The following AIM2 variants were observed in gnomAD, a reference collection of about 807,000 sequenced individuals.
AIM2 encodes the protein absent in melanoma 2, also known as interferon-inducible protein AIM2.
AIM2 carries 30 observed loss-of-function variants against 27.7 expected under a neutral mutation model. The observed-to-expected ratio is 1.08, with a 90% CI of 0.81 to 1.47. The LOEUF (loss-of-function observed/expected upper bound fraction) is 1.47. AIM2 is among the 40% of genes most tolerant of loss of function. The pLI is 0.00. For missense variants in AIM2, 358 were observed against 411.3 expected, an observed-to-expected ratio of 0.87 and a Z score of 1.12; for synonymous variants, 141 against 145.3, an observed-to-expected ratio of 0.97 and a Z score of 0.21.
chr1:159,066,065 C>T lies in AIM2; in HGVS notation c.661G>A (p.Val221Ile). 6.2e-7 allele frequency: 1 copy of T among 1,614,158 alleles called. No homozygotes were observed. The highest frequency in any genetic ancestry group is 8.5e-7 in the Non-Finnish European group (1 of 1,180,030). The change falls in exon 4 of 6, where the codon GTA becomes ATA. Residue 221 changes from valine (V) to isoleucine (I), a missense_variant. Coordinates refer to ENST00000368130, the MANE Select transcript of AIM2 (RefSeq NM_004833.3). ...RYYRHSGFLE[V>I]NSASRVLDAE... is the part of the protein sequence containing the mutation. The stretch of plus-strand genomic sequence containing the variant: ...TCTAACACACGTGAGGCGCTATTTA[C>T]CTCTAAGAAACCACTGTGCCGATAA...
At chr1:159,080,375 T>C (rs372438712), upstream of AIM2, among the ~76,000 whole-genome samples, 1 of 152,234 alleles carries the variant, frequency 6.6e-6, no homozygotes, top group Non-Finnish European at 1.5e-5. Context: ...TCTATGACTC[T>C]GAAGACTTTC....
In AIM2 at chr1:159,083,623, C is replaced by G. The variant is rs139277762; in HGVS notation, c.-15-17294G>C. 1.4e-4 allele frequency among the ~76,000 whole-genome samples: 22 copies of G among 152,262 alleles called. No homozygotes were observed. In the East Asian group the frequency reaches 4.1e-3, roughly 28 times the overall value. The stretch of plus-strand genomic sequence containing the variant: ...CATTTAGCTCTACTAAATTTTAGCT[C>G]TACTAAATACTCACCCAAGTATCTT... On this transcript the variant is annotated intron_variant, in intron 1 of 2. Transcript: ENST00000368129.
At chr1:159,114,394 G>C (rs1421044919) in intron 1 of AIM2, among the ~76,000 whole-genome samples, 1 of 152,166 alleles carries the variant, frequency 6.6e-6, no homozygotes, top group Non-Finnish European at 1.5e-5. Context: ...GACCAGTCCT[G>C]CTTGGAAAAC....
chr1:159,100,071 C>T (rs1397424759), intron 1 of AIM2, among the ~76,000 whole-genome samples: 1 of 152,190 alleles, frequency 6.6e-6, no homozygotes, highest in Non-Finnish European at 1.5e-5. Flanking sequence ...GCAGATAAAA[C>T]CTGGCAAAAT....
intron 3 of AIM2, among the ~76,000 whole-genome samples, chr1:159,068,323 T>C (rs995910846): frequency 8.5e-5 from 13 of 152,250 alleles, no homozygotes; most frequent in African/African-American, 1.4e-4. Flanking sequence ...TTTCTTCTTA[T>C]AGAATCCAAA....
intron 4 of AIM2, among the ~76,000 whole-genome samples, chr1:159,064,521 A>G (rs1167109296): frequency 2.6e-5 from 4 of 152,204 alleles, no homozygotes; most frequent in African/African-American, 4.8e-5. Flanking sequence ...CTGGAGTGCG[A>G]TGGCGCAATC....
intron 1 of AIM2, among the ~76,000 whole-genome samples, chr1:159,094,969 A>G (rs982134948): frequency 6.6e-6 from 1 of 152,154 alleles, no homozygotes; most frequent in Non-Finnish European, 1.5e-5. Flanking sequence ...TATTAAGCCC[A>G]TTTCTTTTTG....
At chr1:159,132,081 C>T (rs976350583) in intron 1 of AIM2, among the ~76,000 whole-genome samples, 1 of 151,716 alleles carries the variant, frequency 6.6e-6, no homozygotes, top group Non-Finnish European at 1.5e-5. Context: ...GGCGTGGTGG[C>T]TCACGCCTGT....
At chr1:159,128,949 A>G (rs547058127) in intron 1 of AIM2, among the ~76,000 whole-genome samples, 5 of 152,282 alleles carry the variant, frequency 3.3e-5, no homozygotes, top group Admixed American at 6.5e-5. Flanking sequence ...AACTCATCCA[A>G]TCTCCTAACT....
chr1:159,126,648 CAA>C lies in AIM2; in HGVS notation c.-16+13781_-16+13782del, dbSNP rs35354479. Among the ~76,000 whole-genome samples the C allele has an allele frequency of 3.3e-4, 37 of 113,668 alleles. No individual in the cohort carries two copies. The South Asian group carries it at 7.7e-3, about 24-fold the overall frequency. 74.6% of individuals were successfully genotyped at this position (113,668 alleles called of 152,430 possible). On this transcript the variant is annotated intron_variant, in intron 1 of 2. Coordinates refer to the AIM2 transcript ENST00000368129. ...TGGGTGACAGAGCGAGACTACGTCT[CAA>C]AAAAAAAAAAAAAAAAATTGATAGA... is the stretch of plus-strand genomic sequence containing the variant.
At chr1:159,145,372 T>A (rs1648183339), upstream of AIM2, among the ~76,000 whole-genome samples, 1 of 152,216 alleles carries the variant, frequency 6.6e-6, no homozygotes, top group Non-Finnish European at 1.5e-5. Flanking sequence ...AGCATTTATG[T>A]TCCCAAGTCT....
intron 4 of AIM2, among the ~76,000 whole-genome samples, chr1:159,064,797 G>A (rs1656007966): frequency 6.6e-6 from 1 of 152,170 alleles, no homozygotes; most frequent in African/African-American, 2.4e-5. Context: ...GTCCAGGAGA[G>A]ACATGAGGTA....
chr1:159,099,702 A>G (rs1657271529), intron 1 of AIM2, among the ~76,000 whole-genome samples: 1 of 152,188 alleles, frequency 6.6e-6, no homozygotes, highest in African/African-American at 2.4e-5. Context: ...AGAATGCCCT[A>G]CAGCTCTAGG....
chr1:159,085,334 T>C (rs2518561), intron 1 of AIM2, among the ~76,000 whole-genome samples: 130,094 of 152,182 alleles, frequency 0.85, 57,196 homozygotes, highest in East Asian at 1. Context: ...TCTGGGAAGG[T>C]ACAAATGTGA....
chr1:159,069,220 G>T (rs1415380682), intron 2 of AIM2, among the ~76,000 whole-genome samples: 3 of 151,748 alleles, frequency 2.0e-5, no homozygotes, highest in African/African-American at 7.3e-5. Flanking sequence ...TTGGAAAATG[G>T]TTTGGGACGC....
chr1:159,073,252 T>C lies in AIM2; in HGVS notation c.248A>G (p.Glu83Gly). 6.2e-7 allele frequency: 1 copy of C among 1,614,138 alleles called. No individual in the cohort carries two copies. The highest frequency in any genetic ancestry group is 8.5e-7 in the Non-Finnish European group (1 of 1,180,006). The change falls in exon 2 of 6, where the codon GAG (glutamate) becomes GGG (glycine). Residue 83 changes from glutamate to glycine, a missense_variant. Coordinates refer to ENST00000368130, the MANE Select transcript of AIM2 (RefSeq NM_004833.3). ...NYMLLAKRLQ[E>G]EKEKVDKQYK... ...TCCCACATTACCTTTCTCCTTCTCC[T>C]CCTGAAGACGTTTTGCCAAAAGCAT...
intron 1 of AIM2, among the ~76,000 whole-genome samples, chr1:159,138,237 T>C (rs1648048016): frequency 6.6e-6 from 1 of 152,122 alleles, no homozygotes; most frequent in African/African-American, 2.4e-5. Context: ...TAATCCCAAC[T>C]CTTCCCATCA....
chr1:159,064,934 T>A (rs1361907168), intron 4 of AIM2, among the ~76,000 whole-genome samples: 1 of 152,226 alleles, frequency 6.6e-6, no homozygotes, highest in African/African-American at 2.4e-5. Flanking sequence ...ATTTTAGGTT[T>A]AATTTTATGG....
At chr1:159,081,616 C>T, upstream of AIM2, 2 of 393,184 alleles carry the variant, frequency 5.1e-6, no homozygotes, top group East Asian at 1.5e-4. Context: ...AAAATAGCAT[C>T]CAAGGGTCAC....
Sources: allele counts gnomAD v4.1 joint callset (sites outside exome capture counted in the v4.1 genomes callset), GRCh38; gene constraint gnomAD v4.1.1; transcripts MANE v1.5; gene names NCBI Gene and HGNC (gene_info 2026-07-23, HGNC 2026-07-21).